The following TENM2 variants were observed in gnomAD, a reference collection of about 807,000 sequenced individuals.
TENM2 encodes the protein teneurin transmembrane protein 2, also known as teneurin-2.
In TENM2, 52 loss-of-function variants were observed where a neutral mutation model predicts 245.2. That is an observed-to-expected ratio of 0.21 (90% CI 0.17 to 0.27). The LOEUF (loss-of-function observed/expected upper bound fraction) is 0.27. TENM2 is among the 10% of genes least tolerant of loss of function. The probability of loss-of-function intolerance (pLI) is 1.00; values close to 1 mark genes in which losing one functional copy is unlikely to be tolerated. For synonymous variants in TENM2, 1,363 were observed against 1,438.9 expected, an observed-to-expected ratio of 0.95 and a Z score of 1.19; for missense variants, 3,046 against 3,666.8, an observed-to-expected ratio of 0.83 and a Z score of 4.37.
the TENM2 span, among the ~76,000 whole-genome samples, chr5:167,221,765 G>T: frequency 0.21 from 32,285 of 151,996 alleles, 4,105 homozygotes; most frequent in African/African-American, 0.36. Flanking sequence ...GAAATTCAGC[G>T]CTCCAGGAAT....
chr5:167,948,960 AT>A (rs1583458268), intron 3 of TENM2: 1 of 152,184 alleles, frequency 6.6e-6, no homozygotes, highest in African/African-American at 2.4e-5. Context: ...CATTGTTTGC[AT>A]TTTTGAAACA....
chr5:168,192,965 T>A (rs1374850389), intron 14 of TENM2, among the ~76,000 whole-genome samples: 6 of 152,170 alleles, frequency 3.9e-5, no homozygotes, highest in Admixed American at 1.3e-4. Flanking sequence ...CCCTTCTGGT[T>A]TTATCTTATT....
chr5:167,257,775 A>C, the TENM2 span, among the ~76,000 whole-genome samples: 10 of 152,184 alleles, frequency 6.6e-5, no homozygotes, highest in African/African-American at 2.2e-4. Context: ...AGTAAAATAG[A>C]AAATACACTT....
the TENM2 span, among the ~76,000 whole-genome samples, chr5:167,236,537 T>G: frequency 6.6e-6 from 1 of 152,208 alleles, no homozygotes; most frequent in Admixed American, 6.5e-5. Flanking sequence ...TGGGTCCTAC[T>G]TTTTCTGTTT....
chr5:167,599,402 A>G (rs1296565017), intron 2 of TENM2, among the ~76,000 whole-genome samples: 4 of 152,230 alleles, frequency 2.6e-5, no homozygotes, highest in Non-Finnish European at 5.9e-5. Context: ...AGTTAAAAAT[A>G]AACCATATAA....
At chr5:167,618,462 A>G (rs1032358263) in intron 2 of TENM2, among the ~76,000 whole-genome samples, 1 of 152,016 alleles carries the variant, frequency 6.6e-6, no homozygotes, top group Non-Finnish European at 1.5e-5. Flanking sequence ...GCTTCCATAT[A>G]CACTTATTCA....
chr5:168,090,614 G>C (rs774109736), exon 8 of TENM2: 15 of 1,613,608 alleles, frequency 9.3e-6, no homozygotes, highest in South Asian at 1.1e-5. Flanking sequence ...GAGAAGTGGA[G>C]TGTGGTTGAG....
Position 167,488,910 on chromosome 5 carries a change from G to C in TENM2, c.502+113437G>C, listed in dbSNP as rs148898409. Among the ~76,000 whole-genome samples the C allele has an allele frequency of 5.4e-3, 818 of 152,166 alleles. 11 individuals carry two copies. The highest frequency in any genetic ancestry group is 0.018 in the African/African-American group (759 of 41,504). ...TAATGGTTACTTCATCCTTCATTTT[G>C]TCAGGTCAAATTCTTAGAGTGGTCC... is the stretch of plus-strand genomic sequence containing the variant. On this transcript the variant is annotated intron_variant, in intron 2 of 28. Transcript: ENST00000518659.
exon 28 of TENM2, chr5:168,260,284 T>C (rs1361546160): frequency 6.2e-7 from 1 of 1,613,974 alleles, no homozygotes; most frequent in South Asian, 1.1e-5. Context: ...CCACCATAGA[T>C]GTGAAAAGCT....
intron 2 of TENM2, among the ~76,000 whole-genome samples, chr5:167,461,532 G>A (rs17068509): frequency 0.014 from 2,181 of 152,194 alleles, 47 homozygotes; most frequent in African/African-American, 0.047. Flanking sequence ...TTACCTCCCG[G>A]CAGTCTTTCA....
chr5:167,549,029 C>T (rs927913499), intron 2 of TENM2, among the ~76,000 whole-genome samples: 23 of 152,172 alleles, frequency 1.5e-4, no homozygotes, highest in Non-Finnish European at 1.8e-4. Context: ...TTTCTCTCTC[C>T]GTCCTTCCTC....
chr5:168,195,160 T>A lies in TENM2; in HGVS notation c.2781-16T>A. On this transcript the variant is annotated splice_polypyrimidine_tract_variant and intron_variant, in intron 14 of 28. Coordinates refer to ENST00000518659, the Ensembl canonical transcript of TENM2. ...CCTGCATGTGGCTCAAAGACCTCTG[T>A]TTCTGTCTTTCTCAGCTTGGTTTCT... 6.3e-7 allele frequency: 1 copy of A among 1,578,816 alleles called. No homozygotes were observed. The highest frequency in any genetic ancestry group is 1.2e-5 in the South Asian group (1 of 86,322).
chr5:168,246,150 T>A (rs1439284926), intron 26 of TENM2, among the ~76,000 whole-genome samples: 2 of 151,760 alleles, frequency 1.3e-5, no homozygotes, highest in Non-Finnish European at 1.5e-5. Flanking sequence ...GGAGAATCGC[T>A]TGAACCCAGG....
At chr5:167,437,999 T>G (rs1173303834) in intron 2 of TENM2, among the ~76,000 whole-genome samples, 1 of 152,202 alleles carries the variant, frequency 6.6e-6, no homozygotes, top group Non-Finnish European at 1.5e-5. Context: ...ACACATCTCT[T>G]TAACACAGTG....
chr5:167,103,538 T>C, the TENM2 span, among the ~76,000 whole-genome samples: 1 of 152,344 alleles, frequency 6.6e-6, no homozygotes, highest in African/African-American at 2.4e-5. Context: ...ATTTCACATC[T>C]GAATTATCGC....
At chr5:167,358,851 A>ACACACACACC (rs1759520573) in intron 1 of TENM2, among the ~76,000 whole-genome samples, 1 of 129,020 alleles carries the variant, frequency 7.8e-6, no homozygotes, top group Non-Finnish European at 1.6e-5. Context: ...ACACACACAC[A>ACACACACACC]CCCTGCTGTT....
At chr5:167,250,605 A>G in the TENM2 span, among the ~76,000 whole-genome samples, 1 of 152,174 alleles carries the variant, frequency 6.6e-6, no homozygotes, top group Non-Finnish European at 1.5e-5. Context: ...CAAGAAAGAC[A>G]GTCTGACAGG....
At chr5:168,211,606 G>A in intron 19 of TENM2, 128 bp from the exon 22 acceptor site, 3 of 610,968 alleles carry the variant, frequency 4.9e-6, no homozygotes, top group Non-Finnish European at 8.5e-6. Context: ...CAGTTACAGG[G>A]GAAAAAAGAA....
At chr5:167,467,428 T>C (rs879481827) in intron 2 of TENM2, among the ~76,000 whole-genome samples, 11 of 151,126 alleles carry the variant, frequency 7.3e-5, no homozygotes, top group Admixed American at 6.6e-4. Flanking sequence ...TACAGCAGCG[T>C]GAGAATGGAC....
Sources: gnomAD v4.1 joint callset for allele counts (sites outside exome capture counted in the v4.1 genomes callset) on GRCh38, gnomAD v4.1.1 for gene constraint, MANE v1.5 for transcripts, NCBI Gene and HGNC (gene_info 2026-07-23, HGNC 2026-07-21) for gene names.